GPR108: variants seen among roughly 807,000 people sequenced by gnomAD.
GPR108 encodes the protein G protein-coupled receptor 108.
A neutral mutation model predicts 74.3 loss-of-function variants in GPR108; 60 were observed. That is an observed-to-expected ratio of 0.81 (90% CI 0.66 to 1.00). The LOEUF is 1.00. Among genes scored for constraint, GPR108 ranks in the 50% least tolerant of loss-of-function variants. The pLI is 0.00. For missense variants in GPR108, 667 were observed against 703.3 expected (o/e 0.95, Z 0.58); for synonymous variants, 311 against 292.4 (o/e 1.06, Z -0.65).
intron 8 of GPR108, 35 bp from the exon 9 acceptor site, chr19:6,733,336 C>A (rs778855909): frequency 6.2e-7 from 1 of 1,601,178 alleles, no homozygotes; most frequent in African/African-American, 1.3e-5. Flanking sequence ...GCGGCAGGGG[C>A]ACAGCCCGAC....
Position 6,736,717 on chromosome 19 carries a change from G to A in GPR108, c.121-6C>T. On this transcript the variant is annotated splice_polypyrimidine_tract_variant and splice_region_variant and intron_variant, in intron 1 of 17. Transcript: ENST00000264080. ...ATGTCCGCTCGCTTCTCCCCCTGCC[G>A]GAGACCAAGGAGGCAGAGGCAGTTC... 2 of 1,613,958 alleles carry A rather than the reference G, an allele frequency of 1.2e-6. No homozygotes were observed. Among genetic ancestry groups the A allele is most frequent in the Non-Finnish European group, 1.7e-6 (2 of 1,179,960 alleles).
rs374349823 is a variant in GPR108 at position 6,733,056 on chromosome 19, G to A, written c.864C>T (p.Ser288=). The A allele has an allele frequency of 2.9e-5, 46 of 1,613,390 alleles. No homozygotes were observed. The African/African-American group carries it at 4.3e-4, about 15-fold the overall frequency. The change falls in exon 10 of 18, where the codon AGC becomes AGT. Residue 288 remains serine, a synonymous_variant. Coordinates refer to ENST00000264080, the MANE Select transcript of GPR108 (RefSeq NM_001080452.2). ...WVSILCRNTY[S]VFKIHWLMAA... ...CCATGAGCCAGTGGATCTTGAAGAC[G>A]CTGTACCTGGTGGGAGGGTCAGGGA... is the stretch of plus-strand genomic sequence containing the variant.
intron 17 of GPR108, 47 bp from the exon 18 acceptor site, chr19:6,730,431 C>T: frequency 6.6e-7 from 1 of 1,520,578 alleles, no homozygotes; most frequent in Non-Finnish European, 9.1e-7. Flanking sequence ...GGGCAGCAGG[C>T]CCCACCCACT....
intron 4 of GPR108, among the ~76,000 whole-genome samples, chr19:6,734,883 T>G (rs1968568923): frequency 7.7e-6 from 1 of 130,560 alleles, no homozygotes; most frequent in African/African-American, 3.5e-5. Context: ...ATTATTATTA[T>G]TATTATTATT....
At chr19:6,737,266 A>C in intron 1 of GPR108, 191 bp downstream of exon 1, 1 of 687,966 alleles carries the variant, frequency 1.5e-6, no homozygotes, top group Non-Finnish European at 2.3e-6. Flanking sequence ...AGCGAGGCGG[A>C]CCCGGCAACT....
chr19:6,732,808 T>A, intron 10 of GPR108, 179 bp downstream of exon 10: 2 of 656,820 alleles, frequency 3.0e-6, no homozygotes, highest in Non-Finnish European at 5.4e-6. Context: ...TGGACAGAGC[T>A]GCCCCGCAGG....
chr19:6,731,878 C>T lies in GPR108; in HGVS notation c.1300+13G>A, dbSNP rs202212355. 5.0e-5 allele frequency: 80 copies of T among 1,611,070 alleles called. No homozygotes were observed. Among genetic ancestry groups the T allele is most frequent in the Non-Finnish European group, 6.2e-5 (73 of 1,179,256 alleles). On this transcript the variant is annotated intron_variant, in intron 14 of 17. Coordinates refer to ENST00000264080, the MANE Select transcript of GPR108 (RefSeq NM_001080452.2). ...GGGCCATGAGCAGAGGGCCTGCAGGCGCAGGGCCTCACCCTTCCCGTCTGT... is the reference window on the plus strand; with the variant it reads ...GGGCCATGAGCAGAGGGCCTGCAGGTGCAGGGCCTCACCCTTCCCGTCTGT...
In GPR108 at chr19:6,736,596, A is replaced by G. The variant is rs4807897; in HGVS notation, c.236T>C (p.Leu79Pro). 0.013 allele frequency: 21,311 copies of G among 1,613,686 alleles called. 198 individuals are homozygous for G. The highest frequency in any genetic ancestry group is 0.03 in the South Asian group (2,767 of 91,024). Reference sequence around the variant, plus strand: ...AAACTCCTCAAGGTCCCTCACCAGCAGGGACTTCTCTTCTGCCTCCCGGAG... The same window carrying G: ...AAACTCCTCAAGGTCCCTCACCAGCGGGGACTTCTCTTCTGCCTCCCGGAG... ...LGLREAEEKS[L>P]LVGFSLSRVR... The change falls in exon 2 of 18, where the codon CTG becomes CCG. Residue 79 changes from leucine (L) to proline (P), a missense_variant. Physicochemically the swap from Leu to Pro is moderately conservative, Grantham distance 98. Coordinates refer to ENST00000264080, the MANE Select transcript of GPR108 (RefSeq NM_001080452.2).
In GPR108 at chr19:6,731,509, C is replaced by T; in HGVS notation, c.1314G>A (p.Leu438=). 7.3e-7 allele frequency: 1 copy of T among 1,368,906 alleles called. No individual in the cohort carries two copies. The highest frequency in any genetic ancestry group is 9.6e-7 in the Non-Finnish European group (1 of 1,040,496). The allele number at this position is 1,368,906 out of a possible 1,614,324, so 84.8% of individuals were successfully genotyped here. A position where few individuals can be genotyped will look rare whatever the true frequency, so the allele number is the denominator to read the frequency against. The change falls in exon 15 of 18, where the codon CTG becomes CTA. Residue 438 remains leucine, a synonymous_variant. Coordinates refer to ENST00000264080, the MANE Select transcript of GPR108 (RefSeq NM_001080452.2). ...SGTDGKVAVN[L]AKLKLFRHYY... is the part of the protein sequence containing the mutation. ...AATGCCGGAACAGCTTCAGCTTGGC[C>T]AGGTTCACTGCCACTGAGGGTGGGC...
At chr19:6,733,390 A>T (rs926751564) in intron 8 of GPR108, 89 bp from the exon 9 acceptor site, 6 of 1,418,998 alleles carry the variant, frequency 4.2e-6, no homozygotes, top group Admixed American at 1.9e-5. Flanking sequence ...CAGCTCTCTC[A>T]CTTTCTACTG....
rs765707434 is a variant in GPR108, at chr19:6,733,310, G to A, written c.724-9C>T. 88 of 1,611,634 alleles carry A rather than the reference G, an allele frequency of 5.5e-5. No homozygotes were observed. The highest frequency in any genetic ancestry group is 7.3e-5 in the Non-Finnish European group (86 of 1,178,498). On this transcript the variant is annotated splice_polypyrimidine_tract_variant and intron_variant, in intron 8 of 17. Coordinates refer to ENST00000264080, the MANE Select transcript of GPR108 (RefSeq NM_001080452.2). ...TTCTCCCGGATCATCACCTGCGGAG[G>A]GGGCAGTGGTGGGCGGCGGCAGGGG...
At position 6,733,668 on chromosome 19, in the gene GPR108, C is replaced by T. The variant is rs376404694; in HGVS notation, c.625G>A (p.Val209Met). ...LNNSYNFSFH[V>M]VIGSQAEEGQ... is the part of the protein sequence containing the mutation. ...TCTTCCGCCTGAGAGCCGATCACCA[C>T]GTGGAACTGGGCGGGCGGGGAGAGA... The change falls in exon 8 of 18, where the codon GTG becomes ATG. Residue 209 changes from valine (V) to methionine (M), a missense_variant. Coordinates refer to ENST00000264080, the MANE Select transcript of GPR108 (RefSeq NM_001080452.2). 34 of 1,614,012 alleles carry T rather than the reference C, an allele frequency of 2.1e-5. No homozygotes were observed. Among genetic ancestry groups the T allele is most frequent in the African/African-American group, 4.0e-5 (3 of 75,028 alleles).
intron 8 of GPR108, 114 bp downstream of exon 8, chr19:6,733,456 G>T (rs1355691562): frequency 2.3e-6 from 3 of 1,312,660 alleles, no homozygotes; most frequent in Non-Finnish European, 3.2e-6. Context: ...GGGTATAACA[G>T]CTCCTACTTC....
At chr19:6,735,346 A>G in intron 4 of GPR108, 2 of 368,968 alleles carry the variant, frequency 5.4e-6, no homozygotes, top group Middle Eastern at 7.7e-4. Context: ...AGTGTATTAA[A>G]GCTCCGGGAC....
At position 6,732,156 on chromosome 19, in the gene GPR108, C is replaced by T. The variant is rs750809318; in HGVS notation, c.1126-1G>A. The T allele has an allele frequency of 5.6e-6, 9 of 1,613,414 alleles. No homozygotes were observed. In the South Asian group the frequency reaches 7.7e-5, roughly 14 times the overall value. The stretch of plus-strand genomic sequence containing the variant: ...TGATGTAGGCCACGTTGGCCAGGAC[C>T]TGCGCAGGCGGCGGGGGTGGGTGGG... On this transcript the variant is annotated splice_acceptor_variant, in intron 12 of 17. Transcript: ENST00000264080. LOFTEE classifies it high-confidence loss of function.
Position 6,733,864 on chromosome 19 carries a change from T to C in GPR108, c.599A>G (p.Asn200Ser), listed in dbSNP as rs773152591. ...ACTCACACTGAAGTTGTAGGAGTTG[T>C]TGAGGTGGCTCAGGCCCAACACCAG... is the stretch of plus-strand genomic sequence containing the variant. ...KDLVLGLSHLNNSYNFSFHVV... is the reference protein window; with the variant it reads ...KDLVLGLSHLSNSYNFSFHVV... The change falls in exon 7 of 18, where the codon AAC (asparagine) becomes AGC (serine). Residue 200 changes from asparagine to serine, a missense_variant. Asn to Ser is a conservative substitution (Grantham distance 46, BLOSUM62 1). Coordinates refer to ENST00000264080, the MANE Select transcript of GPR108 (RefSeq NM_001080452.2). 4 of 1,614,142 alleles carry C rather than the reference T, an allele frequency of 2.5e-6. No individual in the cohort carries two copies. Among genetic ancestry groups the C allele is most frequent in the East Asian group, 2.2e-5 (1 of 44,888 alleles).
At chr19:6,733,119 G>GA (rs1368385644) in intron 9 of GPR108, 49 bp downstream of exon 9, 1 of 1,613,454 alleles carries the variant, frequency 6.2e-7, no homozygotes, top group South Asian at 1.1e-5. Flanking sequence ...GCATAGGGAT[G>GA]GGGGTCTGGT....
At chr19:6,730,845 T>A in intron 17 of GPR108, 142 bp downstream of exon 17, 52 of 864,200 alleles carry the variant, frequency 6.0e-5, no homozygotes, top group Non-Finnish European at 7.7e-5. Flanking sequence ...CTCCCCTCCA[T>A]CCCTTCTCAA....
rs1454908377 is a variant in GPR108 at position 6,732,735 on chromosome 19, C to T, written c.934-186G>A. ...GAAAAAATGGAGGGAACAGTCACAG[C>T]TGAAGGGGTGAATAGTTGGACAATC... On this transcript the variant is annotated intron_variant, in intron 10 of 17. Coordinates refer to ENST00000264080, the MANE Select transcript of GPR108 (RefSeq NM_001080452.2). 1.9e-5 allele frequency: 13 copies of T among 667,936 alleles called. No homozygotes were observed. In the East Asian group the frequency reaches 3.0e-4, roughly 15 times the overall value. 41.4% of individuals were successfully genotyped at this position (667,936 alleles called of 1,614,324 possible).
Sources: allele counts gnomAD v4.1 joint callset (sites outside exome capture counted in the v4.1 genomes callset), GRCh38; gene constraint gnomAD v4.1.1; transcripts MANE v1.5; gene names NCBI Gene and HGNC (gene_info 2026-07-23, HGNC 2026-07-21).